Variants in ZMYND11 observed in about 807,000 individuals in gnomAD.
The protein encoded by ZMYND11 is zinc finger MYND domain-containing protein 11.
In ZMYND11, 9 loss-of-function variants were observed where a neutral mutation model predicts 84.9. The ratio of observed to expected loss-of-function variants is 0.11; its 90% confidence interval spans 0.06 to 0.18. The LOEUF (loss-of-function observed/expected upper bound fraction) is 0.18. Ranked by LOEUF, ZMYND11 falls within the 10% of genes least tolerant of loss-of-function variation. ZMYND11 has a pLI of 1.00. For missense variants in ZMYND11, 409 were observed against 761.0 expected, an observed-to-expected ratio of 0.54 and a Z score of 5.44; for synonymous variants, 250 against 244.1, an observed-to-expected ratio of 1.02 and a Z score of -0.23.
intron 3 of ZMYND11, among the ~76,000 whole-genome samples, chr10:216,739 G>A (rs1946251592): frequency 6.6e-6 from 1 of 152,090 alleles, no homozygotes; most frequent in Non-Finnish European, 1.5e-5. Context: ...TCTTATTCAA[G>A]AGGATTTTTT....
chr10:237,812 A>G (rs1950230120), intron 6 of ZMYND11, 135 bp downstream of exon 6: 2 of 580,188 alleles, frequency 3.4e-6, no homozygotes, highest in South Asian at 2.6e-5. Flanking sequence ...TCCTAAAACA[A>G]AAGACAGGCA....
intron 6 of ZMYND11, 128 bp downstream of exon 6, chr10:237,805 TAAAAC>T (rs1021407648): frequency 1.1e-5 from 7 of 611,072 alleles, no homozygotes; most frequent in South Asian, 2.5e-5. Flanking sequence ...TTCCACTTCC[TAAAAC>T]AAAAGACAGG....
At chr10:230,964 G>A (rs1190972777) in intron 4 of ZMYND11, among the ~76,000 whole-genome samples, 1 of 152,196 alleles carries the variant, frequency 6.6e-6, no homozygotes, top group East Asian at 1.9e-4. Flanking sequence ...ACCTGTGTAT[G>A]TGTACTGCCC....
Position 253,840 on chromosome 10 carries a change from CTTTTAA to C in ZMYND11, c.*1371_*1376del, listed in dbSNP as rs1175740366. 3 of 152,632 alleles carry C rather than the reference CTTTTAA, an allele frequency of 2.0e-5. No homozygotes were observed. Among genetic ancestry groups the C allele is most frequent in the African/African-American group, 7.2e-5 (3 of 41,544 alleles). 9.5% of individuals were successfully genotyped at this position (152,632 alleles called of 1,614,324 possible). ...GAAGTGAAAGAATCAGGAGAAAAGC[CTTTTAA>C]AAAGTATTCTCCAGGTTTGTCAGGG... On this transcript the variant is annotated 3_prime_UTR_variant, in exon 15 of 15. Coordinates refer to ENST00000381604, the MANE Select transcript of ZMYND11 (RefSeq NM_001370100.5).
intron 2 of ZMYND11, among the ~76,000 whole-genome samples, chr10:199,327 C>G: frequency 7.3e-6 from 1 of 136,250 alleles, no homozygotes; most frequent in Admixed American, 7.4e-5. Context: ...CCCTCCCTCC[C>G]TCTCTCCCTC....
At chr10:174,438 A>G (rs1846082119) in intron 1 of ZMYND11, among the ~76,000 whole-genome samples, 1 of 152,246 alleles carries the variant, frequency 6.6e-6, no homozygotes, top group African/African-American at 2.4e-5. Context: ...TTTTTAATTC[A>G]GTGGAACTAT....
At chr10:161,164 T>C (rs1842877531) in intron 1 of ZMYND11, among the ~76,000 whole-genome samples, 2 of 152,096 alleles carry the variant, frequency 1.3e-5, no homozygotes, top group East Asian at 1.9e-4. Flanking sequence ...AGAAGGGATG[T>C]CATGTTAGCC....
chr10:189,672 C>G (rs982655762), intron 2 of ZMYND11, among the ~76,000 whole-genome samples: 1 of 152,160 alleles, frequency 6.6e-6, no homozygotes. Context: ...AGGACATTCA[C>G]CTTGCCTTGG....
chr10:156,914 T>A (rs1841847434), intron 1 of ZMYND11, among the ~76,000 whole-genome samples: 1 of 152,204 alleles, frequency 6.6e-6, no homozygotes, highest in Non-Finnish European at 1.5e-5. Context: ...TCACTGGTAT[T>A]TGAGGATTGG....
At chr10:205,163 A>G (rs1316253552) in intron 2 of ZMYND11, among the ~76,000 whole-genome samples, 1 of 152,150 alleles carries the variant, frequency 6.6e-6, no homozygotes, top group Non-Finnish European at 1.5e-5. Context: ...TTCTTTGGAA[A>G]TTGGCCTTTT....
At chr10:206,088 G>A (rs908775728) in intron 2 of ZMYND11, among the ~76,000 whole-genome samples, 10 of 151,670 alleles carry the variant, frequency 6.6e-5, no homozygotes, top group African/African-American at 1.2e-4. Context: ...GGCCGGGCGC[G>A]GTGGCTCACG....
At position 221,042 on chromosome 10, in the gene ZMYND11, T is replaced by C. The variant is rs574035589; in HGVS notation, c.277-153T>C. 3.9e-5 allele frequency among the ~76,000 whole-genome samples: 6 copies of C among 152,346 alleles called. No individual in the cohort carries two copies. In the South Asian group the frequency reaches 1.2e-3, roughly 32 times the overall value. The stretch of plus-strand genomic sequence containing the variant: ...AGATTTTAAAATTTAAAGCAGCAAC[T>C]TTCTAGGTATTTTCCCTCTTGTTTT... On this transcript the variant is annotated intron_variant, in intron 3 of 14. Coordinates refer to ENST00000381604, the MANE Select transcript of ZMYND11 (RefSeq NM_001370100.5).
chr10:149,455 C>T (rs1049281248), intron 1 of ZMYND11, among the ~76,000 whole-genome samples: 11 of 152,024 alleles, frequency 7.2e-5, no homozygotes, highest in South Asian at 4.2e-4. Context: ...AGACTACAGG[C>T]GCCTACCACC....
chr10:212,329 A>G (rs1297432448), intron 3 of ZMYND11, among the ~76,000 whole-genome samples: 1 of 152,142 alleles, frequency 6.6e-6, no homozygotes, highest in African/African-American at 2.4e-5. Context: ...TAGATGAAAT[A>G]TTATATGTAA....
intron 1 of ZMYND11, among the ~76,000 whole-genome samples, chr10:165,939 C>T (rs781817216): frequency 2.6e-5 from 4 of 152,048 alleles, no homozygotes; most frequent in Non-Finnish European, 5.9e-5. Flanking sequence ...ATTTAGAGTT[C>T]AGAAATAAAC....
chr10:152,757 G>A (rs1840707362), intron 1 of ZMYND11, among the ~76,000 whole-genome samples: 1 of 152,106 alleles, frequency 6.6e-6, no homozygotes, highest in Non-Finnish European at 1.5e-5. Context: ...AACAGAATAT[G>A]CATTCTTCTC....
chr10:172,888 AATAG>A (rs1181271588), intron 1 of ZMYND11, among the ~76,000 whole-genome samples: 9 of 152,192 alleles, frequency 5.9e-5, no homozygotes, highest in African/African-American at 1.7e-4. Context: ...TGACAGGACA[AATAG>A]ATGGATGGAA....
intron 3 of ZMYND11, among the ~76,000 whole-genome samples, chr10:220,649 G>C (rs770161264): frequency 3.9e-5 from 6 of 152,274 alleles, no homozygotes; most frequent in Middle Eastern, 3.4e-3. Flanking sequence ...CTGAAAATCT[G>C]ACATCCTATC....
At chr10:226,025 A>G (rs946035776) in intron 4 of ZMYND11, among the ~76,000 whole-genome samples, 2 of 152,162 alleles carry the variant, frequency 1.3e-5, no homozygotes, top group African/African-American at 2.4e-5. Flanking sequence ...AGTTTGCCAC[A>G]TGGGGCTTGT....
Sources: gnomAD v4.1 joint callset for allele counts (sites outside exome capture counted in the v4.1 genomes callset) on GRCh38, gnomAD v4.1.1 for gene constraint, MANE v1.5 for transcripts, NCBI Gene and HGNC (gene_info 2026-07-23, HGNC 2026-07-21) for gene names.